The following MAEA variants were observed in gnomAD, a reference collection of about 807,000 sequenced individuals.
MAEA encodes macrophage erythroblast attacher, E3 ubiquitin ligase, also known as E3 ubiquitin-protein transferase MAEA.
Under a neutral mutation model 46.2 loss-of-function variants are expected in MAEA, and 22 were observed. That is an observed-to-expected ratio of 0.48 (90% CI 0.34 to 0.68). MAEA has a LOEUF of 0.68. Ranked by LOEUF, MAEA falls within the 30% of genes least tolerant of loss-of-function variation. The pLI, the probability that MAEA is intolerant of heterozygous loss-of-function variation, is 0.01. For missense variants in MAEA, 393 were observed against 558.1 expected, an observed-to-expected ratio of 0.70 and a Z score of 2.98; for synonymous variants, 246 against 222.6, an observed-to-expected ratio of 1.11 and a Z score of -0.94.
At position 1,332,884 on chromosome 4, in the gene MAEA, G is replaced by C; in HGVS notation, c.765+19G>C. The C allele has an allele frequency of 6.3e-7, 1 of 1,581,272 alleles. No individual in the cohort carries two copies. Among genetic ancestry groups the C allele is most frequent in the Non-Finnish European group, 8.7e-7 (1 of 1,156,036 alleles). ...GTACAAGGTAGGGCGTGCGTCCCTG[G>C]GGTCGGTGTCATGCTGGGGTGGGGA... On this transcript the variant is annotated intron_variant, in intron 6 of 8. Transcript: ENST00000303400.
chr4:1,330,052 C>T (rs1739340242), intron 5 of MAEA: 1 of 985,256 alleles, frequency 1.0e-6, no homozygotes, highest in South Asian at 4.7e-5. Flanking sequence ...GGCAGGGGGC[C>T]TCGTTGGCTG....
At chr4:1,322,284 G>GTATCATTAAAAAAAAAA in intron 3 of MAEA, 97 bp from the exon 4 acceptor site, 1 of 1,523,956 alleles carries the variant, frequency 6.6e-7, no homozygotes, top group African/African-American at 1.4e-5. Context: ...AGTGGTGGCC[G>GTATCATTAAAAAAAAAA]GTGCTGGGCC....
chr4:1,301,413 C>A (rs767990012), intron 1 of MAEA, among the ~76,000 whole-genome samples: 13 of 152,284 alleles, frequency 8.5e-5, no homozygotes, highest in Middle Eastern at 3.4e-3. Flanking sequence ...ATTTAACATT[C>A]GCTAAGTAGA....
chr4:1,315,278 G>T, intron 2 of MAEA, 119 bp from the exon 3 acceptor site: 8 of 947,718 alleles, frequency 8.4e-6, no homozygotes, highest in Admixed American at 4.9e-5. Context: ...TTTTTTTTCT[G>T]TCCCGTAATC....
intron 2 of MAEA, among the ~76,000 whole-genome samples, chr4:1,313,080 G>T (rs1298626905): frequency 6.6e-6 from 1 of 152,212 alleles, no homozygotes; most frequent in Non-Finnish European, 1.5e-5. Flanking sequence ...TCAGCGTGGG[G>T]TGTACCAGAA....
In MAEA at chr4:1,312,166, G is replaced by T; in HGVS notation, c.252+5G>T. On this transcript the variant is annotated splice_donor_5th_base_variant and intron_variant, in intron 2 of 8. Transcript: ENST00000303400. ...CTCAGCGTCCTCAAGAGGAAGGTTG[G>T]TCCCGCCTGGCGGTCCCTCTTCAGT... 6.2e-7 allele frequency: 1 copy of T among 1,613,758 alleles called. No individual in the cohort carries two copies. The highest frequency in any genetic ancestry group is 8.5e-7 in the Non-Finnish European group (1 of 1,179,956).
At chr4:1,319,120 G>T (rs28647383) in intron 3 of MAEA, among the ~76,000 whole-genome samples, 1 of 152,158 alleles carries the variant, frequency 6.6e-6, no homozygotes, top group Non-Finnish European at 1.5e-5. Context: ...GGGAGGCTGA[G>T]GCGAGCGGAT....
At chr4:1,310,439 C>T (rs989391250) in intron 1 of MAEA, among the ~76,000 whole-genome samples, 4 of 152,348 alleles carry the variant, frequency 2.6e-5, no homozygotes, top group East Asian at 1.9e-4. Context: ...CCCCAGGCTG[C>T]GTGGCACCAG....
chr4:1,329,156 T>TC, intron 5 of MAEA: 1 of 985,668 alleles, frequency 1.0e-6, no homozygotes, highest in Non-Finnish European at 1.2e-6. Flanking sequence ...ACAGATGTCT[T>TC]CATCTAGGTG....
intron 1 of MAEA, chr4:1,309,531 C>T: frequency 7.2e-7 from 1 of 1,389,034 alleles, no homozygotes; most frequent in Admixed American, 2.7e-5. Context: ...GGGTGCTGCG[C>T]TCATCCCCTG....
At position 1,339,195 on chromosome 4, in the gene MAEA, C is replaced by G. The variant is rs767836514; in HGVS notation, c.*26C>G. The G allele has an allele frequency of 6.3e-7, 1 of 1,580,954 alleles. No individual in the cohort carries two copies. The highest frequency in any genetic ancestry group is 8.7e-7 in the Non-Finnish European group (1 of 1,150,116). On this transcript the variant is annotated 3_prime_UTR_variant, in exon 9 of 9. Coordinates refer to ENST00000303400, the MANE Select transcript of MAEA (RefSeq NM_001017405.3). The stretch of plus-strand genomic sequence containing the variant: ...GCCCCACGTCGTGAAGCGCACGCCT[C>G]GGGGACGGGCTGCAGTGGGCGGGGA...
chr4:1,315,053 T>C (rs1736957141), intron 2 of MAEA, among the ~76,000 whole-genome samples: 3 of 152,154 alleles, frequency 2.0e-5, no homozygotes, highest in Non-Finnish European at 4.4e-5. Context: ...TTGCAAAAGA[T>C]TTTTTTAAAG....
intron 3 of MAEA, among the ~76,000 whole-genome samples, chr4:1,320,973 G>A (rs557281587): frequency 1.2e-4 from 19 of 152,306 alleles, no homozygotes; most frequent in East Asian, 1.9e-4. Flanking sequence ...GGTGGCAGGC[G>A]CCTGTAGTCC....
intron 7 of MAEA, chr4:1,337,388 G>A (rs907988899): frequency 2.7e-5 from 7 of 258,426 alleles, no homozygotes; most frequent in Admixed American, 2.1e-4. Context: ...ACCTGTGACC[G>A]ACTCTGTCTG....
At chr4:1,329,074 C>G in intron 5 of MAEA, 1 of 985,800 alleles carries the variant, frequency 1.0e-6, no homozygotes, top group Non-Finnish European at 1.2e-6. Flanking sequence ...GCCTCCGTCT[C>G]CTTGAGGGCC....
chr4:1,303,893 C>T (rs149607622), intron 1 of MAEA, among the ~76,000 whole-genome samples: 8,742 of 100,044 alleles, frequency 0.087, 955 homozygotes, highest in African/African-American at 0.29. Context: ...CAGGGGGGTC[C>T]GGCAGGGCAG....
chr4:1,336,683 T>TA (rs1295224866), intron 6 of MAEA, among the ~76,000 whole-genome samples, 178 bp from the exon 7 acceptor site: 9 of 152,228 alleles, frequency 5.9e-5, no homozygotes, highest in African/African-American at 2.2e-4. Context: ...TCCCACTGTG[T>TA]GTATCAGTCA....
At chr4:1,323,449 C>T (rs545663330) in intron 4 of MAEA, 29 of 701,980 alleles carry the variant, frequency 4.1e-5, no homozygotes, top group Non-Finnish European at 7.0e-5. Context: ...CTGAGTTTGG[C>T]AGGGTGCACG....
In MAEA at chr4:1,336,875, T is replaced by A; in HGVS notation, c.780T>A (p.Pro260=). 1 of 1,613,920 alleles carries A rather than the reference T, an allele frequency of 6.2e-7. No homozygotes were observed. The highest frequency in any genetic ancestry group is 1.7e-4 in the Middle Eastern group (1 of 6,060). The stretch of plus-strand genomic sequence containing the variant: ...CTGTCTTCCAGGACCTTCTGGACCC[T>A]GCACGGTGGCGGATGCTGATCCAGC... The part of the protein sequence containing the change: ...HISPYKDLLD[P]ARWRMLIQQF... The change falls in exon 7 of 9, where the codon CCT becomes CCA. Residue 260 remains proline, a synonymous_variant. Coordinates refer to ENST00000303400, the MANE Select transcript of MAEA (RefSeq NM_001017405.3).
Sources: allele counts gnomAD v4.1 joint callset (sites outside exome capture counted in the v4.1 genomes callset), GRCh38; gene constraint gnomAD v4.1.1; transcripts MANE v1.5; gene names NCBI Gene and HGNC (gene_info 2026-07-23, HGNC 2026-07-21).